Variants in DCDC2C observed in about 807,000 individuals in gnomAD.
DCDC2C encodes doublecortin domain containing 2C.
DCDC2C carries 44 observed loss-of-function variants against 45.0 expected under a neutral mutation model. That is an observed-to-expected ratio of 0.98 (90% CI 0.77 to 1.26). The LOEUF is 1.26. DCDC2C is among the 50% of genes most tolerant of loss of function. DCDC2C has a pLI of 0.00. For synonymous variants in DCDC2C, 187 were observed against 178.8 expected (o/e 1.05, Z -0.37); for missense variants, 447 against 468.9 (o/e 0.95, Z 0.43).
intron 10 of DCDC2C, among the ~76,000 whole-genome samples, chr2:3,798,349 T>G (rs2148198407): frequency 6.6e-6 from 1 of 151,596 alleles, no homozygotes; most frequent in African/African-American, 2.4e-5. Context: ...GTCTTTTAAT[T>G]GGAGCATTTA....
chr2:3,755,464 T>C (rs1323868952), intron 6 of DCDC2C, among the ~76,000 whole-genome samples: 3 of 9,486 alleles, frequency 3.2e-4, no homozygotes, highest in African/African-American at 3.5e-4. Context: ...CATGTGTGTG[T>C]ATGGAGACAT....
intron 10 of DCDC2C, among the ~76,000 whole-genome samples, chr2:3,798,513 T>C (rs1671023495): frequency 6.6e-6 from 1 of 151,208 alleles, no homozygotes; most frequent in Admixed American, 6.6e-5. Context: ...TGGTACCGGT[T>C]GTTCCTTTCC....
intron 6 of DCDC2C, among the ~76,000 whole-genome samples, chr2:3,755,455 A>T (rs1669676080): frequency 3.5e-5 from 2 of 57,932 alleles, no homozygotes; most frequent in Non-Finnish European, 7.6e-5. Context: ...GTATGAATGC[A>T]TGTGTGTGTA....
At chr2:3,827,040 A>G (rs1022348838) in intron 10 of DCDC2C, among the ~76,000 whole-genome samples, 1 of 152,132 alleles carries the variant, frequency 6.6e-6, no homozygotes, top group Non-Finnish European at 1.5e-5. Context: ...AGACAAATAT[A>G]GAAGGAGTCT....
intron 10 of DCDC2C, 115 bp from the exon 11 acceptor site, chr2:3,847,039 A>T (rs994555702): frequency 1.9e-6 from 1 of 538,154 alleles, no homozygotes; most frequent in Non-Finnish European, 2.8e-6. Flanking sequence ...CAGGAACAAC[A>T]CCCAGAATCC....
chr2:3,827,849 C>A (rs1019672309), intron 10 of DCDC2C, among the ~76,000 whole-genome samples: 5 of 152,176 alleles, frequency 3.3e-5, no homozygotes, highest in African/African-American at 1.2e-4. Context: ...GAAAAGAACC[C>A]ATTGGGCATA....
chr2:3,758,225 C>T (rs769373565), intron 6 of DCDC2C, among the ~76,000 whole-genome samples: 2 of 152,188 alleles, frequency 1.3e-5, no homozygotes, highest in Non-Finnish European at 2.9e-5. Flanking sequence ...CATGTTCCCA[C>T]ATCCCGACAT....
At chr2:3,833,956 A>G (rs928918579) in intron 10 of DCDC2C, among the ~76,000 whole-genome samples, 2 of 152,140 alleles carry the variant, frequency 1.3e-5, no homozygotes, top group East Asian at 1.9e-4. Context: ...GATTTTGAGT[A>G]CAGAATGTTT....
chr2:3,751,346 G>A (rs1669535817), intron 4 of DCDC2C, among the ~76,000 whole-genome samples: 1 of 152,210 alleles, frequency 6.6e-6, no homozygotes, highest in Non-Finnish European at 1.5e-5. Context: ...AGGCCCCAGC[G>A]GGAGGAGAAC....
intron 10 of DCDC2C, among the ~76,000 whole-genome samples, chr2:3,836,628 C>T (rs994276024): frequency 2.0e-5 from 3 of 151,964 alleles, no homozygotes; most frequent in Non-Finnish European, 2.9e-5. Flanking sequence ...TTTCGGAGGC[C>T]GAGGTGGGTG....
intron 3 of DCDC2C, 87 bp downstream of exon 3, chr2:3,727,166 C>A: frequency 1.8e-6 from 2 of 1,132,564 alleles, no homozygotes; most frequent in Non-Finnish European, 1.3e-6. Context: ...TGCCCCTCAG[C>A]CCCCTTTCTG....
intron 7 of DCDC2C, chr2:3,769,021 G>A (rs1438216841): frequency 1.9e-5 from 6 of 322,574 alleles, no homozygotes; most frequent in Non-Finnish European, 3.6e-5. Flanking sequence ...GACTACCATG[G>A]TGGGCACAGC....
intron 1 of DCDC2C, among the ~76,000 whole-genome samples, chr2:3,705,560 A>T (rs527755217): frequency 1.3e-5 from 2 of 152,338 alleles, no homozygotes; most frequent in South Asian, 4.1e-4. Flanking sequence ...TTTTATCCCA[A>T]GACATTTTCT....
At chr2:3,778,963 G>A in intron 9 of DCDC2C, 79 bp downstream of exon 9, 1 of 1,368,724 alleles carries the variant, frequency 7.3e-7, no homozygotes, top group South Asian at 1.3e-5. Flanking sequence ...GTTTGGTGGT[G>A]AAAGGATCTG....
rs192867660 is a variant in DCDC2C, at chr2:3,799,200, G to A, written c.1065+14100G>A. 4.9e-4 allele frequency among the ~76,000 whole-genome samples: 74 copies of A among 152,056 alleles called. 1 individual carries two copies. Among genetic ancestry groups the A allele is most frequent in the Middle Eastern group, 3.4e-3 (1 of 294 alleles). The stretch of plus-strand genomic sequence containing the variant: ...CTTCTGCATTCTTCACATAGTTCTC[G>A]AGCCTTGTTTTTCAGCTCCATCAGC... On this transcript the variant is annotated intron_variant, in intron 10 of 10. Transcript: ENST00000399143.
rs541121030 is a variant in DCDC2C at position 3,723,901 on chromosome 2, A to C, written c.340-3102A>C. 9.9e-5 allele frequency among the ~76,000 whole-genome samples: 15 copies of C among 152,190 alleles called. No homozygotes were observed. The South Asian group carries it at 3.1e-3, about 32-fold the overall frequency. On this transcript the variant is annotated intron_variant, in intron 2 of 10. Transcript: ENST00000399143. ...GGCTATGGATAAAATCAGCAATTCT[A>C]TTTGAGCCATAACAAGATAGAGGTA...
At chr2:3,729,045 T>A (rs357945) in intron 3 of DCDC2C, among the ~76,000 whole-genome samples, 50,093 of 152,144 alleles carry the variant, frequency 0.33, 8,766 homozygotes, top group South Asian at 0.6. Flanking sequence ...CCCTTGTCAC[T>A]TAGGAAGGGA....
chr2:3,804,810 G>C (rs140173990), intron 10 of DCDC2C, among the ~76,000 whole-genome samples: 1 of 152,294 alleles, frequency 6.6e-6, no homozygotes, highest in East Asian at 1.9e-4. Flanking sequence ...ACTGTGACCA[G>C]CTCTTACCCC....
chr2:3,724,615 C>T (rs1195112612), intron 2 of DCDC2C, among the ~76,000 whole-genome samples: 11 of 152,156 alleles, frequency 7.2e-5, no homozygotes, highest in East Asian at 1.9e-4. Context: ...GGGGTGATGT[C>T]GTCGAGCTCC....
Sources: gnomAD v4.1 joint callset for allele counts (sites outside exome capture counted in the v4.1 genomes callset) on GRCh38, gnomAD v4.1.1 for gene constraint, MANE v1.5 for transcripts, NCBI Gene and HGNC (gene_info 2026-07-23, HGNC 2026-07-21) for gene names.